Variants in SLC35H1 observed in about 807,000 individuals in gnomAD.
SLC35H1 encodes the protein solute carrier family 35 member H1.
chr20:46,354,738 G>T, the SLC35H1 span: 1 of 707,992 alleles, frequency 1.4e-6, no homozygotes, highest in South Asian at 1.8e-5. Flanking sequence ...CGTTTATCAT[G>T]CTGGACCCCA....
the SLC35H1 span, chr20:46,357,640 C>A: frequency 1.9e-6 from 3 of 1,613,806 alleles, no homozygotes; most frequent in Admixed American, 1.7e-5. Context: ...AGCCACTCTT[C>A]TGAGGTAGTC....
At chr20:46,349,652 C>A in the SLC35H1 span, 47 of 152,678 alleles carry the variant, frequency 3.1e-4, no homozygotes, top group East Asian at 7.1e-3. Context: ...CAGGTTAGGT[C>A]ATTTGCTTAG....
At chr20:46,352,117 G>C in the SLC35H1 span, 1 of 1,614,212 alleles carries the variant, frequency 6.2e-7, no homozygotes, top group African/African-American at 1.3e-5. Flanking sequence ...ACTCAGAGAA[G>C]CCCAAACCAA....
the SLC35H1 span, among the ~76,000 whole-genome samples, chr20:46,358,075 C>T: frequency 1.3e-5 from 2 of 152,220 alleles, no homozygotes; most frequent in East Asian, 1.9e-4. Flanking sequence ...AGAGCCACTG[C>T]GGCCCACTAC....
chr20:46,357,393 G>A, the SLC35H1 span, among the ~76,000 whole-genome samples: 2 of 152,242 alleles, frequency 1.3e-5, no homozygotes, highest in East Asian at 1.9e-4. Flanking sequence ...CTGCGGGGCC[G>A]CAGGTGCAGG....
the SLC35H1 span, among the ~76,000 whole-genome samples, chr20:46,351,264 C>A: frequency 6.6e-6 from 1 of 152,222 alleles, no homozygotes; most frequent in East Asian, 1.9e-4. Flanking sequence ...TGCTGTGTTA[C>A]CCCGGACTGA....
At chr20:46,348,187 G>C in the SLC35H1 span, 1 of 152,226 alleles carries the variant, frequency 6.6e-6, no homozygotes, top group Non-Finnish European at 1.5e-5. Flanking sequence ...GGGGAGGAGA[G>C]GGAGCCCTCC....
chr20:46,364,271 A>T, the SLC35H1 span: 2 of 152,100 alleles, frequency 1.3e-5, no homozygotes, highest in African/African-American at 4.8e-5. Flanking sequence ...GCCCCATGTC[A>T]ACCCGCGCAG....
At chr20:46,355,411 C>A in the SLC35H1 span, 3 of 725,086 alleles carry the variant, frequency 4.1e-6, no homozygotes, top group African/African-American at 3.6e-5. The surrounding 1 kb of genome is among the most constrained non-coding windows in gnomAD (Gnocchi z 4.8). Flanking sequence ...CCACCAATGT[C>A]AGCATGTAGG....
At chr20:46,358,150 CCA>C in the SLC35H1 span, among the ~76,000 whole-genome samples, 1 of 152,164 alleles carries the variant, frequency 6.6e-6, no homozygotes, top group African/African-American at 2.4e-5. Flanking sequence ...TGCTTGAGCC[CCA>C]GTTTCCCCAG....
the SLC35H1 span, chr20:46,350,311 G>T: frequency 6.7e-7 from 1 of 1,486,930 alleles, no homozygotes; most frequent in Non-Finnish European, 9.0e-7. Flanking sequence ...CAGCTACCAT[G>T]ATGAGCCCTG....
the SLC35H1 span, chr20:46,354,948 C>A: frequency 6.2e-7 from 1 of 1,613,866 alleles, no homozygotes; most frequent in South Asian, 1.1e-5. Context: ...AACATGGTGT[C>A]GATGGGATTC....
At chr20:46,361,408 A>G in the SLC35H1 span, among the ~76,000 whole-genome samples, 2 of 152,068 alleles carry the variant, frequency 1.3e-5, no homozygotes, top group East Asian at 3.9e-4. Context: ...CCTCTCCCCA[A>G]ATGACTGCAG....
the SLC35H1 span, among the ~76,000 whole-genome samples, chr20:46,353,869 C>T: frequency 1.3e-5 from 2 of 151,826 alleles, no homozygotes; most frequent in Admixed American, 6.6e-5. Context: ...GGAAAAAAAA[C>T]GAGGCCCTGA....
At chr20:46,350,419 T>C in the SLC35H1 span, 2 of 1,613,452 alleles carry the variant, frequency 1.2e-6, no homozygotes, top group East Asian at 2.2e-5. Flanking sequence ...GGCCACAAAG[T>C]ACTCCTCCTC....
chr20:46,350,987 G>C, the SLC35H1 span: 2 of 1,501,302 alleles, frequency 1.3e-6, no homozygotes, highest in African/African-American at 2.8e-5. Context: ...CACTCAGGTG[G>C]GCAGATCAAG....
the SLC35H1 span, chr20:46,358,650 T>A: frequency 2.6e-6 from 4 of 1,554,052 alleles, no homozygotes; most frequent in East Asian, 2.4e-5. Flanking sequence ...TGCAGCTCCA[T>A]GATTCGGAAC....
the SLC35H1 span, chr20:46,355,877 G>A: frequency 1.2e-6 from 2 of 1,614,038 alleles, no homozygotes; most frequent in Non-Finnish European, 1.7e-6. This position sits in a 1 kb window ranked among gnomAD's most constrained non-coding sequence, Gnocchi z 4.8. Context: ...TTGTGTACCT[G>A]GAAGCAAAAT....
the SLC35H1 span, chr20:46,364,221 C>T: frequency 6.6e-6 from 1 of 152,290 alleles, no homozygotes; most frequent in Non-Finnish European, 1.5e-5. Context: ...CCTCCACAGA[C>T]GGCGAAACTG....
Sources: gnomAD v4.1 joint callset for allele counts (sites outside exome capture counted in the v4.1 genomes callset) on GRCh38, gnomAD v4.1.1 for gene constraint, Gnocchi (gnomAD v3.1) non-coding constraint, MANE v1.5 for transcripts, NCBI Gene and HGNC (gene_info 2026-07-23, HGNC 2026-07-21) for gene names.